CLDN10: variants seen among roughly 807,000 people sequenced by gnomAD.
CLDN10 encodes the protein claudin 10.
Under a neutral mutation model 22.9 loss-of-function variants are expected in CLDN10, and 15 were observed. The ratio of observed to expected loss-of-function variants is 0.65; its 90% confidence interval spans 0.44 to 1.01. The LOEUF (loss-of-function observed/expected upper bound fraction) is 1.01, where lower values mean the gene tolerates loss of function less well. Ranked by LOEUF, CLDN10 falls within the 50% of genes least tolerant of loss-of-function variation. The probability of loss-of-function intolerance (pLI) is 0.00; values close to 1 mark genes in which losing one functional copy is unlikely to be tolerated. For synonymous variants in CLDN10, 114 were observed against 111.4 expected, an observed-to-expected ratio of 1.02 and a Z score of -0.15; for missense variants, 247 against 287.8, an observed-to-expected ratio of 0.86 and a Z score of 1.03.
chr13:95,520,737 C>T (rs2043216096), intron 1 of CLDN10, among the ~76,000 whole-genome samples: 1 of 152,136 alleles, frequency 6.6e-6, no homozygotes, highest in Non-Finnish European at 1.5e-5. Flanking sequence ...AATCCCAGCA[C>T]ATTGAAAGGC....
chr13:95,530,400 C>G (rs1260543112), intron 1 of CLDN10, among the ~76,000 whole-genome samples: 1 of 152,174 alleles, frequency 6.6e-6, no homozygotes, highest in Non-Finnish European at 1.5e-5. Context: ...GCAACCCCTA[C>G]CGGAAGGAAA....
At chr13:95,513,805 T>G (rs569819209) in intron 1 of CLDN10, among the ~76,000 whole-genome samples, 158 of 152,308 alleles carry the variant, frequency 1.0e-3, no homozygotes, top group African/African-American at 3.8e-3. Context: ...TCTATAGAGA[T>G]AAACACAAAA....
chr13:95,503,013 A>G (rs1423366840), intron 1 of CLDN10, among the ~76,000 whole-genome samples: 2 of 152,220 alleles, frequency 1.3e-5, no homozygotes, highest in Admixed American at 1.3e-4. Context: ...ACCCAAGCAT[A>G]CTGTTCTAAC....
chr13:95,546,564 C>A (rs1025092223), intron 1 of CLDN10, among the ~76,000 whole-genome samples: 4 of 152,152 alleles, frequency 2.6e-5, no homozygotes, highest in Non-Finnish European at 5.9e-5. Flanking sequence ...TAAGAACATG[C>A]ATTTTTAACC....
intron 3 of CLDN10, among the ~76,000 whole-genome samples, chr13:95,565,142 A>AG (rs1163626074): frequency 9.2e-5 from 14 of 151,932 alleles, no homozygotes; most frequent in Admixed American, 7.2e-4. Context: ...AAAAAAAAAA[A>AG]TCTCCTGCAA....
At position 95,508,945 on chromosome 13, in the gene CLDN10, C is replaced by A. The variant is rs116589947; in HGVS notation, c.215-51187C>A. Among the ~76,000 whole-genome samples the A allele has an allele frequency of 9.5e-3, 1,452 of 152,238 alleles. 22 individuals are homozygous for A. Among genetic ancestry groups the A allele is most frequent in the African/African-American group, 0.033 (1,365 of 41,550 alleles). On this transcript the variant is annotated intron_variant, in intron 1 of 4. Transcript: ENST00000376873. ...AACTTTATCTGAAAATTCTAGAAAA[C>A]TTTGAGGAAACCCCTGTTGGTTTGA...
Position 95,443,966 on chromosome 13 carries a change from G to C in CLDN10, c.214+9919G>C, listed in dbSNP as rs115944410. ...GATGCCAGAGCCCTTGGTGGTGTTTGGACTGTGGGACAGCAAGGCATGGAT... is the reference window on the plus strand; with the variant it reads ...GATGCCAGAGCCCTTGGTGGTGTTTCGACTGTGGGACAGCAAGGCATGGAT... On this transcript the variant is annotated intron_variant, in intron 1 of 4. Transcript: ENST00000376873. Among the ~76,000 whole-genome samples, 713 of 152,238 alleles carry C rather than the reference G, an allele frequency of 4.7e-3. 6 individuals carry two copies. The highest frequency in any genetic ancestry group is 0.017 in the Middle Eastern group (5 of 294).
chr13:95,502,006 T>A (rs2042990890), intron 1 of CLDN10, among the ~76,000 whole-genome samples: 1 of 152,270 alleles, frequency 6.6e-6, no homozygotes, highest in African/African-American at 2.4e-5. Flanking sequence ...TATCAGGGTC[T>A]ACTTTGAATT....
intron 3 of CLDN10, among the ~76,000 whole-genome samples, chr13:95,576,903 T>C (rs1438601745): frequency 6.6e-6 from 1 of 152,146 alleles, no homozygotes; most frequent in African/African-American, 2.4e-5. Flanking sequence ...ACAGAACAAA[T>C]AGATGGAAAG....
At chr13:95,560,678 A>T in intron 3 of CLDN10, 1 of 549,332 alleles carries the variant, frequency 1.8e-6, no homozygotes, top group South Asian at 2.1e-5. Flanking sequence ...CTTGTCTCGA[A>T]ACAGTTCAAG....
chr13:95,518,040 G>T (rs945850439), intron 1 of CLDN10, among the ~76,000 whole-genome samples: 1 of 151,920 alleles, frequency 6.6e-6, no homozygotes, highest in African/African-American at 2.4e-5. Context: ...GCCTTTCAGG[G>T]TTCAAATTCT....
At chr13:95,535,015 GTTTTTTT>G (rs913819070) in intron 1 of CLDN10, among the ~76,000 whole-genome samples, 1 of 151,970 alleles carries the variant, frequency 6.6e-6, no homozygotes, top group Non-Finnish European at 1.5e-5. Context: ...GGAGGAAAGA[GTTTTTTT>G]AAAAAGTAAT....
intron 1 of CLDN10, among the ~76,000 whole-genome samples, chr13:95,474,216 A>G (rs1594543927): frequency 6.8e-6 from 1 of 146,246 alleles, no homozygotes; most frequent in Non-Finnish European, 1.5e-5. Context: ...GTGACAGATC[A>G]TCAGGCATTA....
chr13:95,544,608 T>C (rs1296194866), intron 1 of CLDN10, among the ~76,000 whole-genome samples: 1 of 152,180 alleles, frequency 6.6e-6, no homozygotes, highest in Non-Finnish European at 1.5e-5. Context: ...ATTATCAGCA[T>C]ACAATTCCAC....
intron 1 of CLDN10, among the ~76,000 whole-genome samples, chr13:95,449,815 C>G (rs527504027): frequency 6.6e-6 from 1 of 150,760 alleles, no homozygotes; most frequent in East Asian, 1.9e-4. Flanking sequence ...ACAACCTCCG[C>G]TCACTGCAAG....
chr13:95,501,871 T>C (rs1039426802), intron 1 of CLDN10, among the ~76,000 whole-genome samples: 1 of 152,202 alleles, frequency 6.6e-6, no homozygotes, highest in Non-Finnish European at 1.5e-5. Context: ...TGTTCTTCTT[T>C]TCTATCTTCT....
chr13:95,518,113 G>A (rs1055854040), intron 1 of CLDN10, among the ~76,000 whole-genome samples: 1 of 152,114 alleles, frequency 6.6e-6, no homozygotes, highest in African/African-American at 2.4e-5. Flanking sequence ...TCTTGGCTTT[G>A]ATTTTCTCAC....
chr13:95,437,954 G>A (rs945757412), intron 1 of CLDN10, among the ~76,000 whole-genome samples: 10 of 152,280 alleles, frequency 6.6e-5, no homozygotes, highest in South Asian at 4.1e-4. Context: ...ACAATGCTTC[G>A]CCACCTGGCA....
At chr13:95,566,780 T>C (rs531285589) in intron 3 of CLDN10, among the ~76,000 whole-genome samples, 48 of 152,328 alleles carry the variant, frequency 3.2e-4, no homozygotes, top group African/African-American at 1.0e-3. Context: ...CTTTAATCCA[T>C]CTTGAGTTAA....
Sources: gnomAD v4.1 joint callset for allele counts (sites outside exome capture counted in the v4.1 genomes callset) on GRCh38, gnomAD v4.1.1 for gene constraint, MANE v1.5 for transcripts, NCBI Gene and HGNC (gene_info 2026-07-23, HGNC 2026-07-21) for gene names.